The following PABPC1 variants were observed in gnomAD, a reference collection of about 807,000 sequenced individuals.
PABPC1 encodes polyadenylate-binding protein 1.
PABPC1 carries 4 observed loss-of-function variants against 74.0 expected under a neutral mutation model. That is an observed-to-expected ratio of 0.05 (90% CI 0.03 to 0.12). PABPC1 has a LOEUF of 0.12. PABPC1 is among the 10% of genes least tolerant of loss of function. The pLI, the probability that PABPC1 is intolerant of heterozygous loss-of-function variation, is 1.00. For synonymous variants in PABPC1, 227 were observed against 264.1 expected, an observed-to-expected ratio of 0.86 and a Z score of 1.36; for missense variants, 271 against 821.1, an observed-to-expected ratio of 0.33 and a Z score of 8.19.
rs1652864746 is a variant in PABPC1, at chr8:100,721,119, G to A, written c.193+272C>T. The stretch of plus-strand genomic sequence containing the variant: ...GGAACCGAATCTCACCCACCCTCCC[G>A]GCGCGTCATCACCCTAAAGTTTGAG... On this transcript the variant is annotated intron_variant, in intron 1 of 14. Transcript: ENST00000318607. The surrounding 1 kb of genome is among the most constrained non-coding windows in gnomAD (Gnocchi z 7.4). Among the ~76,000 whole-genome samples, 1 of 152,136 alleles carries A rather than the reference G, an allele frequency of 6.6e-6. No homozygotes were observed. The highest frequency in any genetic ancestry group is 1.5e-5 in the Non-Finnish European group (1 of 68,010).
chr8:100,710,376 G>A (rs1404315651), intron 7 of PABPC1, among the ~76,000 whole-genome samples: 1 of 152,186 alleles, frequency 6.6e-6, no homozygotes, highest in Admixed American at 6.5e-5. Context: ...TTAACAGTAT[G>A]CGAGTGGCAT....
chr8:100,717,542 G>GT (rs1810703417), intron 3 of PABPC1, among the ~76,000 whole-genome samples: 4 of 152,036 alleles, frequency 2.6e-5, no homozygotes, highest in African/African-American at 9.7e-5. Context: ...CCTGTTATTT[G>GT]TATGTTACAC....
intron 13 of PABPC1, among the ~76,000 whole-genome samples, chr8:100,704,702 C>T (rs58209211): frequency 0.05 from 7,589 of 152,246 alleles, 624 homozygotes; most frequent in African/African-American, 0.17. Flanking sequence ...TGAAGCCAGG[C>T]TCTGCCACTT....
Position 100,703,827 on chromosome 8 carries a change from A to G in PABPC1, c.*2-468T>C, listed in dbSNP as rs1587141496. 2.6e-5 allele frequency among the ~76,000 whole-genome samples: 4 copies of G among 152,302 alleles called. No homozygotes were observed. In the South Asian group the frequency reaches 6.2e-4, roughly 24 times the overall value. On this transcript the variant is annotated intron_variant, in intron 14 of 14. Coordinates refer to ENST00000318607, the MANE Select transcript of PABPC1 (RefSeq NM_002568.4). ...GACTTTGGGAGGCCGAGGTGGGCGG[A>G]TCACTTGAGGTCAGAAGTTCCAGAC...
At chr8:100,717,673 C>G (rs1455656590) in intron 3 of PABPC1, 100 bp downstream of exon 3, 4 of 694,602 alleles carry the variant, frequency 5.8e-6, no homozygotes, top group Non-Finnish European at 7.4e-6. Context: ...ATCTTATGTG[C>G]ATCTAACTTC....
At chr8:100,715,654 A>G (rs1810650592) in intron 3 of PABPC1, 53 bp from the exon 4 acceptor site, 1 of 1,353,018 alleles carries the variant, frequency 7.4e-7, no homozygotes, top group Non-Finnish European at 1.0e-6. Flanking sequence ...TAAAGTTCAG[A>G]TTAAGTAAGC....
chr8:100,711,564 T>C (rs1156721966), intron 7 of PABPC1, among the ~76,000 whole-genome samples: 1 of 152,240 alleles, frequency 6.6e-6, no homozygotes, highest in Non-Finnish European at 1.5e-5. Flanking sequence ...GGGAACACAC[T>C]GAAGACAAAA....
intron 2 of PABPC1, 73 bp from the exon 3 acceptor site, chr8:100,717,961 C>T: frequency 7.4e-7 from 1 of 1,357,292 alleles, no homozygotes; most frequent in South Asian, 1.2e-5. Flanking sequence ...GAGAGACAAT[C>T]TGTTAGCCAT....
intron 9 of PABPC1, 63 bp downstream of exon 9, chr8:100,709,070 G>T: frequency 2.4e-6 from 3 of 1,231,086 alleles, no homozygotes; most frequent in Admixed American, 1.7e-5. Context: ...TAGAAGAGCT[G>T]ATTTACCCAA....
At position 100,721,561 on chromosome 8, in the gene PABPC1, T is replaced by G; in HGVS notation, c.23A>C (p.Tyr8Ser). 6.3e-7 allele frequency: 1 copy of G among 1,599,680 alleles called. No individual in the cohort carries two copies. The highest frequency in any genetic ancestry group is 1.7e-4 in the Middle Eastern group (1 of 5,840). The part of the protein sequence containing the change: MNPSAPS[Y>S]PMASLYVGDL... ...CCCCACGTAGAGCGAGGCCATGGGGTAGCTGGGGGCACTGGGGTTCATCTC... is the reference window on the plus strand; with the variant it reads ...CCCCACGTAGAGCGAGGCCATGGGGGAGCTGGGGGCACTGGGGTTCATCTC... Residue 8 changes from tyrosine to serine, a missense_variant, in exon 1 of 15, where the codon TAC becomes TCC. Physicochemically the swap from Tyr to Ser is moderately radical, Grantham distance 144. Transcript: ENST00000318607. This position sits in a 1 kb window ranked among gnomAD's most constrained non-coding sequence, Gnocchi z 7.4.
chr8:100,715,363 C>T (rs1447272583), intron 4 of PABPC1, 99 bp downstream of exon 4: 2 of 1,066,226 alleles, frequency 1.9e-6, no homozygotes, highest in East Asian at 4.8e-5. Flanking sequence ...CCATGTAAGT[C>T]TAATTTTATT....
At position 100,715,581 on chromosome 8, in the gene PABPC1, G is replaced by C. The variant is rs1810648402; in HGVS notation, c.524C>G (p.Ser175Cys). 1 of 1,610,136 alleles carries C rather than the reference G, an allele frequency of 6.2e-7. No individual in the cohort carries two copies. Among genetic ancestry groups the C allele is most frequent in the East Asian group, 2.2e-5 (1 of 44,808 alleles). ...AAGTTCAGCTTCTCGTTCTTTACGA[G>C]ACTTAAATCGTCCAACAAATCTAAT... ...DRKVFVGRFK[S>C]RKEREAELGA... Residue 175 changes from serine to cysteine, a missense_variant, in exon 4 of 15, where the codon TCT (serine) becomes TGT (cysteine). By Grantham distance (112) the Ser-to-Cys change is moderately radical. Around this residue, in one of 7 missense-constraint regions of PABPC1, gnomAD observed 78 missense variants for 202.8 expected, o/e 0.38. Coordinates refer to ENST00000318607, the MANE Select transcript of PABPC1 (RefSeq NM_002568.4).
chr8:100,715,154 C>CACACAT (rs1272731915), intron 4 of PABPC1, among the ~76,000 whole-genome samples: 1 of 78,670 alleles, frequency 1.3e-5, no homozygotes, highest in Non-Finnish European at 3.1e-5. Context: ...CACACACACA[C>CACACAT]ACACATATAT....
chr8:100,714,710 C>T (rs1810620931), intron 4 of PABPC1, among the ~76,000 whole-genome samples: 1 of 151,120 alleles, frequency 6.6e-6, no homozygotes, highest in African/African-American at 2.5e-5. Context: ...GCCCGGGTGA[C>T]AGAGCAAGAG....
intron 3 of PABPC1, among the ~76,000 whole-genome samples, chr8:100,716,325 C>T (rs1342343876): frequency 6.6e-6 from 1 of 152,090 alleles, no homozygotes; most frequent in Non-Finnish European, 1.5e-5. Context: ...TGCTAGAACC[C>T]GGGAGGCAGA....
intron 4 of PABPC1, among the ~76,000 whole-genome samples, chr8:100,714,788 C>T (rs1314691430): frequency 6.6e-6 from 1 of 152,112 alleles, no homozygotes; most frequent in Non-Finnish European, 1.5e-5. Flanking sequence ...CAAGACACCT[C>T]TAAGTTCAAC....
chr8:100,721,720 G>A lies in PABPC1; in HGVS notation c.-137C>T. ...AGAGGGACAAAAATCAACCGGAATT[G>A]AAAACTACTCAACGGCCGCAGAACG... On this transcript the variant is annotated 5_prime_UTR_variant, in exon 1 of 15. Coordinates refer to ENST00000318607, the MANE Select transcript of PABPC1 (RefSeq NM_002568.4). This position sits in a 1 kb window ranked among gnomAD's most constrained non-coding sequence, Gnocchi z 7.4. 1.4e-6 allele frequency: 1 copy of A among 715,788 alleles called. No homozygotes were observed. Among genetic ancestry groups the A allele is most frequent in the Non-Finnish European group, 2.1e-6 (1 of 472,740 alleles). The allele number at this position is 715,788 out of a possible 1,614,324, so 44.3% of individuals were successfully genotyped here.
chr8:100,721,610 A>C lies in PABPC1; in HGVS notation c.-27T>G, dbSNP rs1318697703. The C allele has an allele frequency of 2.2e-6, 3 of 1,339,168 alleles. No homozygotes were observed. The highest frequency in any genetic ancestry group is 1.5e-5 in the African/African-American group (1 of 66,186). 83.0% of individuals were successfully genotyped at this position (1,339,168 alleles called of 1,614,324 possible). ...TCGGCACGGCTGCCCGCAGGGCCAC[A>C]GGCCGCGACCTTTCCGTGAGAGGAG... On this transcript the variant is annotated 5_prime_UTR_variant, in exon 1 of 15. Coordinates refer to ENST00000318607, the MANE Select transcript of PABPC1 (RefSeq NM_002568.4). This position sits in a 1 kb window ranked among gnomAD's most constrained non-coding sequence, Gnocchi z 7.4.
At position 100,704,345 on chromosome 8, in the gene PABPC1, C is replaced by A. The variant is rs1326957913; in HGVS notation, c.1864G>T (p.Ala622Ser). Residue 622 changes from alanine to serine, a missense_variant, in exon 14 of 15, where the codon GCT (alanine) becomes TCT (serine). By Grantham distance (99) the Ala-to-Ser change is moderately conservative (BLOSUM62 1). This residue lies in a region of PABPC1 where 23 missense variants were observed against 48.1 expected (regional missense o/e 0.48). Transcript: ENST00000318607. The stretch of plus-strand genomic sequence containing the variant: ...GCACTGTTAACTGCTTTCTGGGCAG[C>A]CTCTTTAGCTTGGTGGGCTTGTAGT... Reference protein sequence around the residue: ...AVLQAHQAKEAAQKAVNSATG... With the variant: ...AVLQAHQAKESAQKAVNSATG... 1 of 1,614,086 alleles carries A rather than the reference C, an allele frequency of 6.2e-7. No homozygotes were observed. The highest frequency in any genetic ancestry group is 8.5e-7 in the Non-Finnish European group (1 of 1,179,990).
Sources: allele counts gnomAD v4.1 joint callset (sites outside exome capture counted in the v4.1 genomes callset), GRCh38; gene constraint gnomAD v4.1.1; regional missense constraint gnomAD v4.1.1; non-coding constraint Gnocchi (gnomAD v3.1); transcripts MANE v1.5; gene names NCBI Gene and HGNC (gene_info 2026-07-23, HGNC 2026-07-21).